COPG2: variants seen among roughly 807,000 people sequenced by gnomAD.
COPG2 encodes the protein coatomer subunit gamma-2.
COPG2 carries 37 observed loss-of-function variants against 46.3 expected under a neutral mutation model. That is an observed-to-expected ratio of 0.80 (90% confidence interval 0.61 to 1.05). COPG2 has a LOEUF of 1.05. COPG2 is among the 50% of genes least tolerant of loss of function. The pLI is 0.00. For synonymous variants in COPG2, 159 were observed against 129.7 expected (o/e 1.23, Z -1.53); for missense variants, 427 against 387.8 (o/e 1.10, Z -0.85).
intron 5 of COPG2, among the ~76,000 whole-genome samples, chr7:130,649,612 G>C (rs1299896532): frequency 6.6e-6 from 1 of 152,088 alleles, no homozygotes; most frequent in African/African-American, 2.4e-5. Context: ...CACCTTTAAT[G>C]CATTTCCACC....
chr7:130,513,966 G>A (rs535528429), intron 20 of COPG2, among the ~76,000 whole-genome samples: 1 of 152,342 alleles, frequency 6.6e-6, no homozygotes, highest in African/African-American at 2.4e-5. Context: ...TGGAAACTGT[G>A]TAAAGGGAGA....
intron 5 of COPG2, among the ~76,000 whole-genome samples, chr7:130,622,866 A>C (rs1344733962): frequency 2.0e-5 from 3 of 152,178 alleles, no homozygotes; most frequent in Non-Finnish European, 4.4e-5. Context: ...AAGCACCAAA[A>C]TATACTCAAG....
intron 20 of COPG2, among the ~76,000 whole-genome samples, chr7:130,510,369 G>A (rs1799575867): frequency 6.6e-6 from 1 of 152,152 alleles, no homozygotes; most frequent in East Asian, 1.9e-4. Context: ...GGGGAAAGAA[G>A]TGAAAGTTAA....
intron 3 of COPG2, among the ~76,000 whole-genome samples, chr7:130,665,998 G>A (rs1295707637): frequency 6.6e-6 from 1 of 152,186 alleles, no homozygotes; most frequent in Non-Finnish European, 1.5e-5. Flanking sequence ...TTTGCTGAAT[G>A]ACGGAAGGAA....
At chr7:130,603,821 G>A (rs956009283) in intron 9 of COPG2, 7 of 518,598 alleles carry the variant, frequency 1.3e-5, no homozygotes, top group African/African-American at 9.7e-5. Flanking sequence ...GGTTAACAGT[G>A]CCAACCCCCA....
chr7:130,523,135 G>A (rs1251046523), intron 20 of COPG2, among the ~76,000 whole-genome samples: 763 of 15,606 alleles, frequency 0.049, no homozygotes, highest in Middle Eastern at 0.21. Flanking sequence ...AAAAAAAAAA[G>A]AAGGCTCCAG....
At chr7:130,544,009 G>A (rs1165040605) in intron 20 of COPG2, among the ~76,000 whole-genome samples, 1 of 152,214 alleles carries the variant, frequency 6.6e-6, no homozygotes, top group Non-Finnish European at 1.5e-5. Flanking sequence ...TAGACTGCAG[G>A]AATATTGATT....
intron 4 of COPG2, among the ~76,000 whole-genome samples, chr7:130,656,063 C>G (rs1291360825): frequency 1.3e-5 from 2 of 151,960 alleles, no homozygotes; most frequent in African/African-American, 4.8e-5. Flanking sequence ...TGTAAATGAT[C>G]TTTGTGCTCT....
intron 4 of COPG2, among the ~76,000 whole-genome samples, chr7:130,660,309 T>C (rs1343960127): frequency 6.6e-6 from 1 of 152,170 alleles, no homozygotes; most frequent in African/African-American, 2.4e-5. Flanking sequence ...CTGACTCCAT[T>C]TTCCACCCTT....
At chr7:130,524,271 GC>G (rs1799753883) in intron 20 of COPG2, among the ~76,000 whole-genome samples, 2 of 152,012 alleles carry the variant, frequency 1.3e-5, no homozygotes, top group Non-Finnish European at 2.9e-5. Flanking sequence ...CGGGTGCGGG[GC>G]CAGGTCAAGA....
chr7:130,600,303 C>T (rs1464486790), intron 9 of COPG2, among the ~76,000 whole-genome samples: 2 of 152,098 alleles, frequency 1.3e-5, no homozygotes, highest in African/African-American at 4.8e-5. Context: ...CGCTGTCACC[C>T]AGGCTGGAGT....
At position 130,523,119 on chromosome 7, in the gene COPG2, C is replaced by CAAAAAAA. The variant is rs1308994776; in HGVS notation, c.2150-14467_2150-14461dup. Among the ~76,000 whole-genome samples, 123 of 57,536 alleles carry CAAAAAAA rather than the reference C, an allele frequency of 2.1e-3. 55 individuals are homozygous for CAAAAAAA. The Middle Eastern group carries it at 0.12, about 54-fold the overall frequency. The allele number at this position is 57,536 out of a possible 152,430, so 37.7% of individuals were successfully genotyped here. A position where few individuals can be genotyped will look rare whatever the true frequency, so the allele number is the denominator to read the frequency against. On this transcript the variant is annotated intron_variant, in intron 20 of 23. Transcript: ENST00000425248. ...GGGCGACAGAGTGAAACTCTTCTCT[C>CAAAAAAA]AAAAAAAAAAAAAAAGAAGGCTCCA...
At position 130,544,432 on chromosome 7, in the gene COPG2, C is replaced by A. The variant is rs1793393895; in HGVS notation, c.2149+3242G>T. On this transcript the variant is annotated intron_variant, in intron 20 of 23. Transcript: ENST00000425248. ...ATGAAAATCAGAGAAAATAAACTCA[C>A]ATACATGTACTGTTACAGCTGATCT... 2.0e-5 allele frequency among the ~76,000 whole-genome samples: 3 copies of A among 152,198 alleles called. No individual in the cohort carries two copies. The South Asian group carries it at 6.2e-4, about 32-fold the overall frequency.
intron 5 of COPG2, among the ~76,000 whole-genome samples, chr7:130,648,958 G>T (rs1795676570): frequency 6.6e-6 from 1 of 151,950 alleles, no homozygotes; most frequent in Non-Finnish European, 1.5e-5. Flanking sequence ...CCTCCTCTTT[G>T]AGTCTTTCAC....
chr7:130,659,786 C>A (rs1350276722), intron 4 of COPG2, among the ~76,000 whole-genome samples: 1 of 152,036 alleles, frequency 6.6e-6, no homozygotes, highest in East Asian at 1.9e-4. Context: ...GTGGCACGTG[C>A]CCACAGTCCC....
intron 5 of COPG2, among the ~76,000 whole-genome samples, chr7:130,633,892 T>C (rs1317994770): frequency 6.6e-6 from 1 of 152,260 alleles, no homozygotes; most frequent in Non-Finnish European, 1.5e-5. Flanking sequence ...GAGTTAATTT[T>C]TGTATAAGGT....
At chr7:130,551,387 G>T (rs2116387267) in intron 15 of COPG2, 43 bp from the exon 16 acceptor site, 2 of 398,094 alleles carry the variant, frequency 5.0e-6, no homozygotes, top group East Asian at 7.1e-5. Flanking sequence ...GTACCCCAAA[G>T]ACTTCCAATA....
intron 20 of COPG2, among the ~76,000 whole-genome samples, chr7:130,534,509 G>C (rs1373162887): frequency 6.6e-6 from 1 of 152,156 alleles, no homozygotes; most frequent in Non-Finnish European, 1.5e-5. Flanking sequence ...AATGGGGGTG[G>C]GGGGCACAGG....
chr7:130,643,407 T>C (rs555733852), intron 5 of COPG2, among the ~76,000 whole-genome samples: 85 of 152,310 alleles, frequency 5.6e-4, no homozygotes, highest in African/African-American at 1.0e-3. Context: ...CCCTAAACAA[T>C]TGAAGTTGCT....
Sources: gnomAD v4.1 joint callset for allele counts (sites outside exome capture counted in the v4.1 genomes callset) on GRCh38, gnomAD v4.1.1 for gene constraint, MANE v1.5 for transcripts, NCBI Gene and HGNC (gene_info 2026-07-23, HGNC 2026-07-21) for gene names.